Variants in PCDH15 observed in about 807,000 individuals in gnomAD.
PCDH15 encodes the protein protocadherin related 15.
In PCDH15, 129 loss-of-function variants were observed where a neutral mutation model predicts 178.5. The observed-to-expected ratio is 0.72, with a 90% CI of 0.63 to 0.84. PCDH15 has a LOEUF of 0.84. Ranked by LOEUF, PCDH15 falls within the 40% of genes least tolerant of loss-of-function variation. PCDH15 has a pLI of 0.00. For synonymous variants in PCDH15, 800 were observed against 732.0 expected (o/e 1.09, Z -1.50); for missense variants, 2,230 against 2,099.9 (o/e 1.06, Z -1.21).
Position 54,196,392 on chromosome 10 carries a change from T to C in PCDH15, c.1099-503A>G, listed in dbSNP as rs1257461697. On this transcript the variant is annotated intron_variant, in intron 10 of 37. Transcript: ENST00000644397. ...CTCCTGACCTCGTGATCCGCCCGCC[T>C]CAGCCTCCCAAAGTGCTGGGATTAC... Among the ~76,000 whole-genome samples the C allele has an allele frequency of 3.3e-5, 5 of 152,298 alleles. No homozygotes were observed. The South Asian group carries it at 1.0e-3, about 32-fold the overall frequency.
At chr10:54,380,685 T>G (rs1284033755) in intron 3 of PCDH15, among the ~76,000 whole-genome samples, 2 of 93,362 alleles carry the variant, frequency 2.1e-5, no homozygotes, top group African/African-American at 8.9e-5. Context: ...CATATATATA[T>G]GCTCCATATA....
At chr10:54,793,659 C>T (rs1951653095) in intron 1 of PCDH15, among the ~76,000 whole-genome samples, 1 of 148,402 alleles carries the variant, frequency 6.7e-6, no homozygotes, top group Non-Finnish European at 1.5e-5. Flanking sequence ...TATATATATG[C>T]TTATATATAC....
intron 2 of PCDH15, among the ~76,000 whole-genome samples, chr10:54,532,307 T>G (rs752527139): frequency 6.6e-6 from 1 of 152,180 alleles, no homozygotes; most frequent in Admixed American, 6.6e-5. Context: ...ACATATTTTA[T>G]ATAACCTACA....
At position 55,285,874 on chromosome 10, in the gene PCDH15, G is replaced by A. The variant is rs1842857558; in HGVS notation, c.-156+33725C>T. Among the ~76,000 whole-genome samples, 6 of 151,914 alleles carry A rather than the reference G, an allele frequency of 3.9e-5. No individual in the cohort carries two copies. The South Asian group carries it at 1.2e-3, about 31-fold the overall frequency. On this transcript the variant is annotated intron_variant, in intron 1 of 5. Transcript: ENST00000458638. ...TTATTCAACATGAAATCATCTAGCT[G>A]TGCCAAGCAGCTTCATTTATTAAAA...
intron 26 of PCDH15, among the ~76,000 whole-genome samples, chr10:53,867,974 A>T (rs114513274): frequency 1.1e-3 from 168 of 152,190 alleles, no homozygotes; most frequent in African/African-American, 3.5e-3. Context: ...ATTAAAAAGG[A>T]CTAACACATT....
At chr10:55,072,304 C>T (rs532126549) in intron 2 of PCDH15, among the ~76,000 whole-genome samples, 3 of 152,118 alleles carry the variant, frequency 2.0e-5, no homozygotes, top group South Asian at 2.1e-4. Flanking sequence ...TTAATGGATC[C>T]AGGAGCTGGT....
chr10:54,216,044 G>GGAAAAAAAAAAAAA (rs1305937392), intron 9 of PCDH15, among the ~76,000 whole-genome samples: 3 of 70,390 alleles, frequency 4.3e-5, no homozygotes, highest in Admixed American at 2.3e-4. Flanking sequence ...CTCCGTCTCA[G>GGAAAAAAAAAAAAA]AAAAAAAAAA....
intron 20 of PCDH15, among the ~76,000 whole-genome samples, chr10:54,004,842 C>A (rs2092324802): frequency 2.2e-5 from 3 of 134,342 alleles, no homozygotes. Flanking sequence ...CCTAGATAGC[C>A]AAAGCTATAT....
chr10:54,488,244 A>T (rs945536654), intron 3 of PCDH15, among the ~76,000 whole-genome samples: 1 of 151,914 alleles, frequency 6.6e-6, no homozygotes, highest in Non-Finnish European at 1.5e-5. Context: ...ACATTTTTAT[A>T]GTAATGGAAT....
intron 1 of PCDH15, among the ~76,000 whole-genome samples, chr10:55,262,018 A>G (rs1374707219): frequency 2.0e-5 from 3 of 151,508 alleles, no homozygotes; most frequent in Non-Finnish European, 4.4e-5. Flanking sequence ...AGAAGAAGAG[A>G]AAAACAAAGA....
chr10:54,056,267 T>C (rs921687145), intron 18 of PCDH15, among the ~76,000 whole-genome samples: 1 of 152,160 alleles, frequency 6.6e-6, no homozygotes, highest in Admixed American at 6.6e-5. Flanking sequence ...TTCAAGCCAC[T>C]TGAAAATATA....
intron 3 of PCDH15, among the ~76,000 whole-genome samples, chr10:54,491,815 A>C (rs16906206): frequency 0.029 from 4,418 of 152,180 alleles, 203 homozygotes; most frequent in African/African-American, 0.099. Context: ...CCTTTTAGGA[A>C]TATATGGTAA....
At chr10:53,965,337 C>T (rs533398638) in intron 21 of PCDH15, among the ~76,000 whole-genome samples, 9 of 152,236 alleles carry the variant, frequency 5.9e-5, no homozygotes, top group African/African-American at 1.7e-4. Flanking sequence ...AGATTACAGG[C>T]GTAAGCCACC....
At chr10:53,924,466 G>C (rs748854829) in intron 25 of PCDH15, among the ~76,000 whole-genome samples, 257 of 152,264 alleles carry the variant, frequency 1.7e-3, no homozygotes, top group African/African-American at 5.6e-3. Flanking sequence ...GTGTCCCCCC[G>C]CCGTGGGCTC....
chr10:55,316,179 A>T (rs1427488955), intron 1 of PCDH15, among the ~76,000 whole-genome samples: 2 of 152,174 alleles, frequency 1.3e-5, no homozygotes, highest in Non-Finnish European at 2.9e-5. Context: ...ACCTACACCA[A>T]TACATATGCT....
intron 3 of PCDH15, among the ~76,000 whole-genome samples, chr10:54,821,068 CTTGA>C (rs1953029844): frequency 6.6e-6 from 1 of 151,982 alleles, no homozygotes; most frequent in African/African-American, 2.4e-5. Context: ...CTTACCCAGT[CTTGA>C]TTATTTCCAG....
intron 21 of PCDH15, among the ~76,000 whole-genome samples, chr10:53,962,281 T>C (rs753117661): frequency 4.6e-5 from 7 of 152,060 alleles, no homozygotes; most frequent in Non-Finnish European, 1.0e-4. Context: ...ATCACCATAG[T>C]TCCCCATAAC....
At chr10:54,555,170 G>T (rs1182033290) in intron 2 of PCDH15, among the ~76,000 whole-genome samples, 3 of 152,118 alleles carry the variant, frequency 2.0e-5, no homozygotes, top group Non-Finnish European at 4.4e-5. Context: ...GTTTCTGATT[G>T]ATTCAGGCAC....
chr10:55,161,843 T>C (rs1343992056), intron 2 of PCDH15, among the ~76,000 whole-genome samples: 2 of 152,146 alleles, frequency 1.3e-5, no homozygotes, highest in Non-Finnish European at 2.9e-5. Flanking sequence ...TAAAATGATT[T>C]GCAGGTTTCT....
Sources: gnomAD v4.1 joint callset for allele counts (sites outside exome capture counted in the v4.1 genomes callset) on GRCh38, gnomAD v4.1.1 for gene constraint, MANE v1.5 for transcripts, NCBI Gene and HGNC (gene_info 2026-07-23, HGNC 2026-07-21) for gene names.